Variants in ZC3H13 observed in about 807,000 individuals in gnomAD.
ZC3H13 encodes zinc finger CCCH-type containing 13, also known as zinc finger CCCH domain-containing protein 13.
ZC3H13 carries 64 observed loss-of-function variants against 204.1 expected under a neutral mutation model. The ratio of observed to expected loss-of-function variants is 0.31; its 90% CI spans 0.26 to 0.39. The LOEUF is 0.39. Ranked by LOEUF, ZC3H13 falls within the 10% of genes least tolerant of loss-of-function variation. ZC3H13 has a pLI of 1.00. For synonymous variants in ZC3H13, 667 were observed against 693.7 expected (o/e 0.96, Z 0.60); for missense variants, 1,833 against 2,082.7 (o/e 0.88, Z 2.33).
chr13:46,038,673 G>A (rs1411153500), intron 4 of ZC3H13, among the ~76,000 whole-genome samples: 1 of 152,152 alleles, frequency 6.6e-6, no homozygotes, highest in African/African-American at 2.4e-5. Context: ...GTCATGTGTT[G>A]CAGCAAGAAT....
At chr13:45,990,212 C>G (rs2039873065) in intron 8 of ZC3H13, among the ~76,000 whole-genome samples, 1 of 152,136 alleles carries the variant, frequency 6.6e-6, no homozygotes, top group Admixed American at 6.5e-5. Context: ...TAGCATCCCT[C>G]CCATTCCAAG....
rs149238147 is a variant in ZC3H13 at position 46,014,154 on chromosome 13, C to T, written c.449-2600G>A. 2.7e-3 allele frequency among the ~76,000 whole-genome samples: 417 copies of T among 152,196 alleles called. 4 individuals are homozygous for T. The highest frequency in any genetic ancestry group is 9.4e-3 in the African/African-American group (389 of 41,552). ...TCAATACATAACTTTAATTTTAATA[C>T]AGCAACTTTTTTTAAAATTTATTTA... is the stretch of plus-strand genomic sequence containing the variant. On this transcript the variant is annotated intron_variant, in intron 5 of 18. Coordinates refer to ENST00000679008, the MANE Select transcript of ZC3H13 (RefSeq NM_001330564.2).
intron 5 of ZC3H13, among the ~76,000 whole-genome samples, chr13:46,012,995 G>A (rs925417660): frequency 6.6e-6 from 1 of 152,174 alleles, no homozygotes; most frequent in African/African-American, 2.4e-5. Context: ...GTAAGGCACT[G>A]CCAATCTAAA....
chr13:46,002,096 T>C (rs1265886435), intron 8 of ZC3H13, among the ~76,000 whole-genome samples: 1 of 152,006 alleles, frequency 6.6e-6, no homozygotes, highest in East Asian at 1.9e-4. Flanking sequence ...GGGCAAAGAA[T>C]TGGAAAGACA....
At chr13:46,005,757 C>T (rs903200021) in intron 7 of ZC3H13, among the ~76,000 whole-genome samples, 6 of 152,074 alleles carry the variant, frequency 3.9e-5, no homozygotes, top group African/African-American at 1.4e-4. Flanking sequence ...CTGCATCTGT[C>T]CTATTCTATG....
Position 45,955,239 on chromosome 13 carries a change from A to C in ZC3H13, c.*1888T>G, listed in dbSNP as rs1400848507. ...GCTTTTATGAGAAATTCAATCAAAAATTTTGCTTTAGAAAAATTTTATAGG... is the reference window on the plus strand; with the variant it reads ...GCTTTTATGAGAAATTCAATCAAAACTTTTGCTTTAGAAAAATTTTATAGG... On this transcript the variant is annotated 3_prime_UTR_variant, in exon 19 of 19. Coordinates refer to ENST00000679008, the MANE Select transcript of ZC3H13 (RefSeq NM_001330564.2). 6.6e-6 allele frequency: 1 copy of C among 152,186 alleles called. No homozygotes were observed. The highest frequency in any genetic ancestry group is 1.5e-5 in the Non-Finnish European group (1 of 68,008). 9.4% of individuals were successfully genotyped at this position (152,186 alleles called of 1,614,324 possible). A position where few individuals can be genotyped will look rare whatever the true frequency, so the allele number is the denominator to read the frequency against.
chr13:46,048,944 C>G lies in ZC3H13; in HGVS notation c.-9-3428G>C, dbSNP rs551396360. On this transcript the variant is annotated intron_variant, in intron 1 of 18. Coordinates refer to ENST00000679008, the MANE Select transcript of ZC3H13 (RefSeq NM_001330564.2). ...AAGAGATTGAGACCATCCTGGCCAA[C>G]AGATCGAGACCATCCTGGCCAACAT... Among the ~76,000 whole-genome samples, 12 of 151,954 alleles carry G rather than the reference C, an allele frequency of 7.9e-5. 1 individual carries two copies. Among genetic ancestry groups the G allele is most frequent in the African/African-American group, 2.9e-4 (12 of 41,448 alleles).
At chr13:46,014,116 A>C (rs1209292823) in intron 5 of ZC3H13, among the ~76,000 whole-genome samples, 1 of 152,230 alleles carries the variant, frequency 6.6e-6, no homozygotes, top group Non-Finnish European at 1.5e-5. Flanking sequence ...TATGGGTAAA[A>C]GCCTTAAGAA....
Position 45,979,929 on chromosome 13 carries a change from C to T in ZC3H13, c.1796G>A (p.Arg599Gln), listed in dbSNP as rs201681294. The change falls in exon 11 of 19, where the codon CGA (arginine) becomes CAA (glutamine). Residue 599 changes from arginine to glutamine, a missense_variant. Transcript: ENST00000679008. ...TCTATCTCTTTCAGGATAGCTACTT[C>T]GAGTTTCCCAGCTGTCATGATAGTT... The part of the protein sequence containing the change: ...NSNYHDSWET[R>Q]SSYPERDRYP... The T allele has an allele frequency of 5.0e-6, 8 of 1,612,386 alleles. No homozygotes were observed. The highest frequency in any genetic ancestry group is 4.5e-5 in the East Asian group (2 of 44,714).
At position 45,983,692 on chromosome 13, in the gene ZC3H13, G is replaced by A. The variant is rs145329802; in HGVS notation, c.1720+1605C>T. 2.7e-3 allele frequency among the ~76,000 whole-genome samples: 409 copies of A among 151,640 alleles called. 4 individuals carry two copies. Among genetic ancestry groups the A allele is most frequent in the African/African-American group, 9.2e-3 (381 of 41,272 alleles). On this transcript the variant is annotated intron_variant, in intron 10 of 18. Coordinates refer to ENST00000679008, the MANE Select transcript of ZC3H13 (RefSeq NM_001330564.2). ...TCCGCCCGCCTCGGCCTCCCAAAGT[G>A]CTGGGATTACAGGCGTGAGCCACCG...
intron 11 of ZC3H13, among the ~76,000 whole-genome samples, chr13:45,978,672 T>C (rs1202611141): frequency 6.6e-6 from 1 of 151,868 alleles, no homozygotes; most frequent in African/African-American, 2.4e-5. Flanking sequence ...TGAAACCAAA[T>C]GTTACTATTG....
rs372572635 is a variant in ZC3H13, at chr13:45,975,697, C to A, written c.2054G>T (p.Arg685Leu). 4.5e-5 allele frequency: 73 copies of A among 1,613,414 alleles called. 1 individual carries two copies. The highest frequency in any genetic ancestry group is 5.8e-5 in the Non-Finnish European group (68 of 1,179,792). ...CCTCTCTCTCTCCCGCTCCCTGTCT[C>A]GTTCTCGTTCCCGATCTCTCTCTCT... is the stretch of plus-strand genomic sequence containing the variant. The part of the protein sequence containing the change: ...RARERDRERE[R>L]DRERERERER... Residue 685 changes from arginine (R) to leucine (L), a missense_variant, in exon 12 of 19, where the codon CGA (arginine) becomes CTA (leucine). Arg to Leu is a moderately radical substitution (Grantham distance 102, BLOSUM62 -2). Coordinates refer to ENST00000679008, the MANE Select transcript of ZC3H13 (RefSeq NM_001330564.2).
chr13:45,971,617 C>A (rs1401223567), intron 12 of ZC3H13, among the ~76,000 whole-genome samples: 1 of 152,098 alleles, frequency 6.6e-6, no homozygotes, highest in African/African-American at 2.4e-5. Flanking sequence ...GACTTCATGG[C>A]CAAGATTCTA....
intron 3 of ZC3H13, 110 bp downstream of exon 3, chr13:46,044,845 A>C (rs2043834015): frequency 1.7e-6 from 1 of 597,638 alleles, no homozygotes; most frequent in South Asian, 3.9e-5. Context: ...GACTACCACC[A>C]ATATAGAAAA....
At position 46,003,252 on chromosome 13, in the gene ZC3H13, C is replaced by T. The variant is rs1264155567; in HGVS notation, c.831G>A (p.Gly277=). 7 of 1,612,492 alleles carry T rather than the reference C, an allele frequency of 4.3e-6. No individual in the cohort carries two copies. Among genetic ancestry groups the T allele is most frequent in the East Asian group, 2.2e-5 (1 of 44,782 alleles). ...PPPIPEDIAL[G]KKYKEKYKVK... is the part of the protein sequence containing the mutation. ...CTTTATATTTTTCTTTGTATTTTTT[C>T]CCCAGAGCGATATCTTCTGGTATAG... The change falls in exon 8 of 19, where the codon GGG becomes GGA. Residue 277 remains glycine, a synonymous_variant. Transcript: ENST00000679008.
At chr13:45,991,144 T>C (rs777711045) in intron 8 of ZC3H13, among the ~76,000 whole-genome samples, 5 of 152,208 alleles carry the variant, frequency 3.3e-5, no homozygotes, top group African/African-American at 9.7e-5. Flanking sequence ...TGGTTCTCCA[T>C]TGAACTGATA....
chr13:46,009,719 T>A (rs577369604), intron 7 of ZC3H13, among the ~76,000 whole-genome samples: 1 of 152,248 alleles, frequency 6.6e-6, no homozygotes, highest in Admixed American at 6.5e-5. Context: ...TCCCTGAATA[T>A]AATCATTTCT....
intron 5 of ZC3H13, among the ~76,000 whole-genome samples, chr13:46,019,593 T>C (rs559371203): frequency 1.3e-5 from 2 of 152,282 alleles, no homozygotes; most frequent in East Asian, 1.9e-4. Flanking sequence ...TTTGGTAATA[T>C]GACATTACAG....
chr13:45,969,376 G>T lies in ZC3H13; in HGVS notation c.3168C>A (p.Ser1056=). ...CNGKNGILED[S]QKKEDTAFSD... ...TGAATGCTGTATCTTCTTTTTTCTG[G>T]GAGTCCTCTAGAATACCATTCTTAC... is the stretch of plus-strand genomic sequence containing the variant. Residue 1056 remains serine, a synonymous_variant, in exon 14 of 19, where the codon TCC becomes TCA. Transcript: ENST00000679008. 6.2e-7 allele frequency: 1 copy of T among 1,613,944 alleles called. No homozygotes were observed. Among genetic ancestry groups the T allele is most frequent in the African/African-American group, 1.3e-5 (1 of 75,000 alleles).
Sources: allele counts gnomAD v4.1 joint callset (sites outside exome capture counted in the v4.1 genomes callset), GRCh38; gene constraint gnomAD v4.1.1; transcripts MANE v1.5; gene names NCBI Gene and HGNC (gene_info 2026-07-23, HGNC 2026-07-21).